Variants in NOTCH1 observed in about 807,000 individuals in gnomAD.
NOTCH1 encodes notch receptor 1, also known as neurogenic locus notch homolog protein 1.
In NOTCH1, 37 loss-of-function variants were observed where a neutral mutation model predicts 254.8. That is an observed-to-expected ratio of 0.15 (90% confidence interval 0.11 to 0.19). The LOEUF is 0.19. Ranked by LOEUF, NOTCH1 falls within the 10% of genes least tolerant of loss-of-function variation. The pLI is 1.00. For synonymous variants in NOTCH1, 1,731 were observed against 1,618.1 expected (o/e 1.07, Z -1.68); for missense variants, 2,972 against 3,708.6 (o/e 0.80, Z 5.16).
intron 25 of NOTCH1, 65 bp downstream of exon 25, chr9:136,505,245 G>C (rs565940861): frequency 6.5e-7 from 1 of 1,533,248 alleles, no homozygotes; most frequent in African/African-American, 1.4e-5. Flanking sequence ...GCTGGCCTCC[G>C]GGCCCAAGCC....
chr9:136,517,166 C>A, intron 9 of NOTCH1, 106 bp downstream of exon 9: 1 of 725,026 alleles, frequency 1.4e-6, no homozygotes, highest in Non-Finnish European at 2.3e-6. Flanking sequence ...CTCAGGAGGC[C>A]GGGGTGCAGA....
In NOTCH1 at chr9:136,509,861, G is replaced by A. The variant is rs1192858965; in HGVS notation, c.2841C>T (p.Asn947=). ...TGCGGCAGGGGTCACTGGCACACTC[G>A]TTGATGTCCTCCTCACAGAAAGTGC... ...FRGTFCEEDI[N]ECASDPCRNG... Residue 947 remains asparagine (N), a synonymous_variant, in exon 18 of 34, where the codon AAC becomes AAT. Transcript: ENST00000651671. 8 of 1,613,008 alleles carry A rather than the reference G, an allele frequency of 5.0e-6. No homozygotes were observed. In the African/African-American group the frequency reaches 5.3e-5, roughly 11 times the overall value.
At chr9:136,514,424 A>T (rs1288558319) in intron 13 of NOTCH1, 86 bp downstream of exon 13, 38 of 1,434,558 alleles carry the variant, frequency 2.6e-5, no homozygotes, top group Non-Finnish European at 2.8e-5. Context: ...GGCCCATCTC[A>T]AGCTCTGTGC....
chr9:136,506,646 G>A lies in NOTCH1; in HGVS notation c.3902-7C>T, dbSNP rs1843090422. Reference sequence around the variant, plus strand: ...ACGGACTCGCAGCGGCGCCCTAGGGGTAAGAGCAGGGCAGTGAGAGGCTCA... The same window carrying A: ...ACGGACTCGCAGCGGCGCCCTAGGGATAAGAGCAGGGCAGTGAGAGGCTCA... On this transcript the variant is annotated splice_region_variant and splice_polypyrimidine_tract_variant and intron_variant, in intron 23 of 33. Transcript: ENST00000651671. The surrounding 1 kb of genome is among the most constrained non-coding windows in gnomAD (Gnocchi z 4.5). 1.9e-6 allele frequency: 3 copies of A among 1,603,048 alleles called. No individual in the cohort carries two copies. The highest frequency in any genetic ancestry group is 1.3e-5 in the African/African-American group (1 of 74,788).
Position 136,504,863 on chromosome 9 carries a change from CG to C in NOTCH1, c.4827del (p.Asp1609GlufsTer7), listed in dbSNP as rs1843054062. 1 of 1,582,624 alleles carries C rather than the reference CG, an allele frequency of 6.3e-7. No homozygotes were observed. ...VLHTNVVFKR[D>X]AHGQQMIFPY... Reference sequence around the variant, plus strand: ...GGGAAGATCATCTGCTGGCCGTGTGCGTCACGCTTGAAGACCACGTTGGTGT... The same window carrying C: ...GGGAAGATCATCTGCTGGCCGTGTGCTCACGCTTGAAGACCACGTTGGTGT... On this transcript the variant is annotated frameshift_variant, in exon 26 of 34. Transcript: ENST00000651671. LOFTEE classifies it high-confidence loss of function.
intron 1 of NOTCH1, 77 bp from the exon 2 acceptor site, chr9:136,544,179 G>T: frequency 8.8e-6 from 12 of 1,370,302 alleles, no homozygotes; most frequent in Non-Finnish European, 1.1e-5. Flanking sequence ...CCTGGGGGCG[G>T]GGACCTGCAC....
At chr9:136,507,008 G>A (rs757385719) in intron 22 of NOTCH1, 35 bp from the exon 23 acceptor site, 80 of 1,584,968 alleles carry the variant, frequency 5.0e-5, no homozygotes, top group Middle Eastern at 2.2e-4. Context: ...GCCCAAGCCC[G>A]CCACACCCCG....
intron 33 of NOTCH1, 27 bp downstream of exon 33, chr9:136,498,872 C>A (rs756340668): frequency 1.9e-6 from 3 of 1,611,830 alleles, no homozygotes; most frequent in Middle Eastern, 1.7e-4. Flanking sequence ...CCTCACGTCT[C>A]CCCTGGCATC....
At chr9:136,538,917 A>C (rs1375431861) in intron 2 of NOTCH1, among the ~76,000 whole-genome samples, 1 of 152,220 alleles carries the variant, frequency 6.6e-6, no homozygotes, top group African/African-American at 2.4e-5. Context: ...TAGACGAGAC[A>C]TGAAACAGGA....
chr9:136,507,700 G>T (rs949572188), intron 21 of NOTCH1, among the ~76,000 whole-genome samples: 1 of 152,146 alleles, frequency 6.6e-6, no homozygotes, highest in Non-Finnish European at 1.5e-5. Flanking sequence ...GGTAGGTGTT[G>T]GCCAAGCCCA....
In NOTCH1 at chr9:136,513,114, T is replaced by G. The variant is rs1351869593; in HGVS notation, c.2374A>C (p.Ile792Leu). 1.9e-6 allele frequency: 3 copies of G among 1,612,724 alleles called. No homozygotes were observed. The African/African-American group carries it at 4.0e-5, about 22-fold the overall frequency. Residue 792 changes from isoleucine to leucine, a missense_variant, in exon 15 of 34, where the codon ATC (isoleucine) becomes CTC (leucine). By Grantham distance (5) the Ile-to-Leu change is conservative. This residue lies in a region of NOTCH1 where 1,343 missense variants were observed against 1,557.0 expected (regional missense o/e 0.86). Coordinates refer to ENST00000651671, the MANE Select transcript of NOTCH1 (RefSeq NM_017617.5). The surrounding 1 kb of genome is among the most constrained non-coding windows in gnomAD (Gnocchi z 4.7). The stretch of plus-strand genomic sequence containing the variant: ...CATGGGTTGGACGCACACTCGTTGA[T>G]GTTGGTCTGGCAGTTGGGACCTGGA... Reference protein sequence around the residue: ...GFSGPNCQTNINECASNPCLN... With the variant: ...GFSGPNCQTNLNECASNPCLN...
In NOTCH1 at chr9:136,517,974, AC is replaced by A. The variant is rs781609498; in HGVS notation, c.1256-38del. 1.7e-5 allele frequency: 27 copies of A among 1,601,022 alleles called. No homozygotes were observed. In the Middle Eastern group the frequency reaches 1.9e-3, roughly 114 times the overall value. On this transcript the variant is annotated intron_variant, in intron 7 of 33. Transcript: ENST00000651671. ...ACACGGGTGAGAGGCTGCTCCAGGC[AC>A]CCTGGCCCCTGCAACACCTCACTGC... is the stretch of plus-strand genomic sequence containing the variant.
intron 4 of NOTCH1, 103 bp downstream of exon 4, chr9:136,522,747 T>C: frequency 4.4e-6 from 5 of 1,143,526 alleles, no homozygotes; most frequent in East Asian, 5.3e-5. Flanking sequence ...CTCCCCGCCA[T>C]GGGCCCTCCC....
Position 136,505,546 on chromosome 9 carries a change from C to G in NOTCH1, c.4350G>C (p.Glu1450Asp), listed in dbSNP as rs1412849951. The change falls in exon 25 of 34, where the codon GAG (glutamate) becomes GAC (aspartate). Residue 1450 changes from glutamate to aspartate, a missense_variant. Around this residue, in one of 8 missense-constraint regions of NOTCH1, gnomAD observed 1,343 missense variants for 1,557.0 expected, o/e 0.86. Coordinates refer to ENST00000651671, the MANE Select transcript of NOTCH1 (RefSeq NM_017617.5). ...IPPPLIEEACELPECQEDAGN... is the reference protein window; with the variant it reads ...IPPPLIEEACDLPECQEDAGN... Reference sequence around the variant, plus strand: ...CCGCGTCCTCCTGGCACTCGGGCAGCTCGCACGCCTCCTCGATCAGCGGCG... The same window carrying G: ...CCGCGTCCTCCTGGCACTCGGGCAGGTCGCACGCCTCCTCGATCAGCGGCG... The G allele has an allele frequency of 1.2e-6, 2 of 1,611,508 alleles. No individual in the cohort carries two copies.
In NOTCH1 at chr9:136,515,379, A is replaced by C. The variant is rs1315257776; in HGVS notation, c.1925T>G (p.Leu642Arg). ...GTTGPNCEIN[L>R]DDCASSPCDS... The stretch of plus-strand genomic sequence containing the variant: ...GCAGGGGCTGCTGGCACAGTCATCC[A>C]GGTTGATCTCGCAGTTGGGTCCTGA... Residue 642 changes from leucine (L) to arginine (R), a missense_variant, in exon 12 of 34, where the codon CTG becomes CGG. Around this residue, in one of 8 missense-constraint regions of NOTCH1, gnomAD observed 1,343 missense variants for 1,557.0 expected, o/e 0.86. Transcript: ENST00000651671. 1 of 1,612,876 alleles carries C rather than the reference A, an allele frequency of 6.2e-7. No homozygotes were observed. The highest frequency in any genetic ancestry group is 8.5e-7 in the Non-Finnish European group (1 of 1,179,984).
At chr9:136,499,294 G>A (rs1459380394) in intron 31 of NOTCH1, 35 bp from the exon 32 acceptor site, 2 of 1,608,990 alleles carry the variant, frequency 1.2e-6, no homozygotes, top group Middle Eastern at 1.7e-4. Flanking sequence ...CGGGTGCTGG[G>A]CAGACGTACA....
chr9:136,516,537 A>G (rs139263066), intron 9 of NOTCH1, among the ~76,000 whole-genome samples: 78 of 152,266 alleles, frequency 5.1e-4, no homozygotes, highest in African/African-American at 1.8e-3. Context: ...CCGGGCAGCC[A>G]TCATCTCCAT....
At chr9:136,525,673 C>G (rs1050922721) in intron 2 of NOTCH1, among the ~76,000 whole-genome samples, 1 of 152,236 alleles carries the variant, frequency 6.6e-6, no homozygotes, top group African/African-American at 2.4e-5. Flanking sequence ...CCCAAGTCCT[C>G]GCCTCCTCTC....
rs1212053025 is a variant in NOTCH1 at position 136,516,010 on chromosome 9, G to A, written c.1640C>T (p.Pro547Leu). The change falls in exon 10 of 34, where the codon CCC becomes CTC. Residue 547 changes from proline (P) to leucine (L), a missense_variant. By Grantham distance (98) the Pro-to-Leu change is moderately conservative. Around this residue, in one of 8 missense-constraint regions of NOTCH1, gnomAD observed 128 missense variants for 193.8 expected, o/e 0.66. Transcript: ENST00000651671. ...CKNGAKCLDG[P>L]NTYTCVCTEG... is the part of the protein sequence containing the mutation. ...CGTGCACACACAGGTGTAAGTGTTG[G>A]GTCCGTCCAGGCACTTGGCACCATT... The A allele has an allele frequency of 6.2e-7, 1 of 1,611,814 alleles. No individual in the cohort carries two copies. Among genetic ancestry groups the A allele is most frequent in the African/African-American group, 1.3e-5 (1 of 74,924 alleles).
Sources: allele counts gnomAD v4.1 joint callset (sites outside exome capture counted in the v4.1 genomes callset), GRCh38; gene constraint gnomAD v4.1.1; regional missense constraint gnomAD v4.1.1; non-coding constraint Gnocchi (gnomAD v3.1); transcripts MANE v1.5; gene names NCBI Gene and HGNC (gene_info 2026-07-23, HGNC 2026-07-21).